Variants in ACSBG2 observed in about 807,000 individuals in gnomAD.
The protein encoded by ACSBG2 is long-chain-fatty-acid--CoA ligase ACSBG2.
A neutral mutation model predicts 74.7 loss-of-function variants in ACSBG2; 62 were observed. That is an observed-to-expected ratio of 0.83 (90% CI 0.68 to 1.03). The LOEUF (loss-of-function observed/expected upper bound fraction) is 1.03, where lower values mean the gene tolerates loss of function less well. Ranked by LOEUF, ACSBG2 falls within the 50% of genes least tolerant of loss-of-function variation. The pLI is 0.00. For synonymous variants in ACSBG2, 309 were observed against 294.1 expected (o/e 1.05, Z -0.52); for missense variants, 730 against 817.6 (o/e 0.89, Z 1.31).
chr19:6,189,360 G>A (rs1316897914), intron 13 of ACSBG2, among the ~76,000 whole-genome samples: 2 of 152,138 alleles, frequency 1.3e-5, no homozygotes, highest in Non-Finnish European at 2.9e-5. Flanking sequence ...TCCAGAGTGG[G>A]GATACTGGAT....
In ACSBG2 at chr19:6,184,881, A is replaced by G. The variant is rs1405300307; in HGVS notation, c.1323-555A>G. On this transcript the variant is annotated intron_variant, in intron 10 of 14. Coordinates refer to ENST00000588485, the MANE Select transcript of ACSBG2 (RefSeq NM_030924.5). ...AAAAAAAAAAAAAAAAACGAAAAACAGCCTGCAATGCTGCTGGATTTTCTT... is the reference window on the plus strand; with the variant it reads ...AAAAAAAAAAAAAAAAACGAAAAACGGCCTGCAATGCTGCTGGATTTTCTT... Among the ~76,000 whole-genome samples the G allele has an allele frequency of 8.0e-5, 11 of 137,600 alleles. No homozygotes were observed. The East Asian group carries it at 2.3e-3, about 29-fold the overall frequency. 90.3% of individuals were successfully genotyped at this position (137,600 alleles called of 152,430 possible).
At chr19:6,156,833 G>C (rs1218641912) in intron 5 of ACSBG2, among the ~76,000 whole-genome samples, 1 of 151,168 alleles carries the variant, frequency 6.6e-6, no homozygotes, top group Non-Finnish European at 1.5e-5. Flanking sequence ...CCCCAGGCTG[G>C]AGTGCAATGT....
At chr19:6,166,162 A>AG (rs1325290715) in intron 7 of ACSBG2, 147 bp downstream of exon 7, 5 of 985,794 alleles carry the variant, frequency 5.1e-6, no homozygotes, top group Non-Finnish European at 7.3e-6. Context: ...TTGCTTCACT[A>AG]GGGGGCAGCA....
chr19:6,182,486 GT>G (rs2090287804), intron 8 of ACSBG2, among the ~76,000 whole-genome samples: 1 of 152,162 alleles, frequency 6.6e-6, no homozygotes, highest in Admixed American at 6.5e-5. Flanking sequence ...AAGTTGACAG[GT>G]TGCACTTAAA....
intron 7 of ACSBG2, 126 bp from the exon 8 acceptor site, chr19:6,177,103 G>T: frequency 9.8e-7 from 1 of 1,015,632 alleles, no homozygotes; most frequent in South Asian, 1.8e-5. Flanking sequence ...TGAGGCTGCA[G>T]TGAGCTGTGA....
rs778234519 is a variant in ACSBG2, at chr19:6,147,499, T to C, written c.121T>C (p.Ser41Pro). ...AGATGGAGAAGTCCTTCTGAGGCTA[T>C]CCAAACACGGACCAGGCCATGAGAC... The part of the protein sequence containing the change: ...CRDGEVLLRL[S>P]KHGPGHETPM... Residue 41 changes from serine (S) to proline (P), a missense_variant, in exon 3 of 15, where the codon TCC becomes CCC. Physicochemically the swap from Ser to Pro is moderately conservative, Grantham distance 74. Coordinates refer to ENST00000588485, the MANE Select transcript of ACSBG2 (RefSeq NM_030924.5). 1.2e-6 allele frequency: 2 copies of C among 1,614,180 alleles called. No individual in the cohort carries two copies. The highest frequency in any genetic ancestry group is 1.7e-5 in the Admixed American group (1 of 60,012).
intron 8 of ACSBG2, among the ~76,000 whole-genome samples, chr19:6,177,777 G>A (rs1427810532): frequency 1.3e-5 from 2 of 150,204 alleles, no homozygotes; most frequent in Admixed American, 1.3e-4. Flanking sequence ...CATTCTCCTA[G>A]TTTTTATCTT....
chr19:6,189,527 G>GTT (rs111858148), intron 13 of ACSBG2, among the ~76,000 whole-genome samples: 14 of 148,084 alleles, frequency 9.5e-5, no homozygotes, highest in African/African-American at 3.2e-4. Context: ...ACTGAGTCTT[G>GTT]TTTTTTTTTT....
chr19:6,145,946 C>T (rs544785722), intron 2 of ACSBG2, among the ~76,000 whole-genome samples: 3 of 152,214 alleles, frequency 2.0e-5, no homozygotes, highest in Admixed American at 1.3e-4. Context: ...GGACAATGGA[C>T]GATGGGGAAT....
In ACSBG2 at chr19:6,190,582, A is replaced by G. The variant is rs1280323573; in HGVS notation, c.1928-2A>G. On this transcript the variant is annotated splice_acceptor_variant, in intron 13 of 14. Coordinates refer to ENST00000588485, the MANE Select transcript of ACSBG2 (RefSeq NM_030924.5). LOFTEE classifies it high-confidence loss of function. ...CTCAATTGATTTCTCCTTTCTCGAT[A>G]GGTCCAATGATGAAACTTAAGAGAC... 1 of 1,613,350 alleles carries G rather than the reference A, an allele frequency of 6.2e-7. No individual in the cohort carries two copies. The highest frequency in any genetic ancestry group is 1.1e-5 in the South Asian group (1 of 91,054).
At chr19:6,158,224 T>C (rs10421054) in intron 5 of ACSBG2, among the ~76,000 whole-genome samples, 9,129 of 151,714 alleles carry the variant, frequency 0.06, 846 homozygotes, top group African/African-American at 0.2. Flanking sequence ...TCCAGCTAAT[T>C]TTTTGTATTT....
intron 2 of ACSBG2, among the ~76,000 whole-genome samples, chr19:6,145,116 C>T (rs1488338448): frequency 8.5e-5 from 13 of 152,056 alleles, no homozygotes; most frequent in East Asian, 7.8e-4. Flanking sequence ...AGTAGCATCC[C>T]GGCCGGGCGC....
intron 2 of ACSBG2, among the ~76,000 whole-genome samples, chr19:6,144,555 T>G (rs904401193): frequency 6.6e-6 from 1 of 152,202 alleles, no homozygotes; most frequent in Non-Finnish European, 1.5e-5. Context: ...CACCTTGATC[T>G]CAGACTTGTG....
chr19:6,179,132 G>C (rs747199400), intron 8 of ACSBG2, among the ~76,000 whole-genome samples: 1 of 152,112 alleles, frequency 6.6e-6, no homozygotes. Context: ...TCTACAAGCT[G>C]CCATACAGGG....
At chr19:6,149,363 G>A (rs1295350590) in intron 3 of ACSBG2, among the ~76,000 whole-genome samples, 5 of 152,120 alleles carry the variant, frequency 3.3e-5, no homozygotes, top group Admixed American at 1.3e-4. Context: ...GATCCCGTAT[G>A]ACTAAAAGAG....
intron 4 of ACSBG2, among the ~76,000 whole-genome samples, chr19:6,154,394 G>A (rs561871478): frequency 4.4e-4 from 28 of 63,576 alleles, no homozygotes; most frequent in Admixed American, 1.5e-3. Flanking sequence ...GCAAAACTCC[G>A]TCTCAAAAAG....
chr19:6,184,857 A>AACAAACAAACAAAC (rs2090358121), intron 10 of ACSBG2, among the ~76,000 whole-genome samples: 6 of 143,650 alleles, frequency 4.2e-5, no homozygotes, highest in African/African-American at 1.5e-4. Context: ...AAAAAAAAAA[A>AACAAACAAACAAAC]AAAAAAAAAA....
chr19:6,157,903 A>C (rs1242739809), intron 5 of ACSBG2, among the ~76,000 whole-genome samples: 1 of 151,664 alleles, frequency 6.6e-6, no homozygotes, highest in Non-Finnish European at 1.5e-5. Flanking sequence ...TTCTTGCCTA[A>C]GTTCTATCCC....
In ACSBG2 at chr19:6,136,854, C is replaced by T. The variant is rs894672177; in HGVS notation, c.-32+945C>T. Among the ~76,000 whole-genome samples the T allele has an allele frequency of 3.3e-5, 5 of 152,172 alleles. 1 individual carries two copies. The highest frequency in any genetic ancestry group is 1.2e-4 in the African/African-American group (5 of 41,436). On this transcript the variant is annotated intron_variant, in intron 1 of 14. Coordinates refer to ENST00000588485, the MANE Select transcript of ACSBG2 (RefSeq NM_030924.5). ...AAGTGATCCACCTGCCACGGCCTCC[C>T]AAAGTGCTGGGATCACAGGTGTGAG...
Sources: gnomAD v4.1 joint callset for allele counts (sites outside exome capture counted in the v4.1 genomes callset) on GRCh38, gnomAD v4.1.1 for gene constraint, MANE v1.5 for transcripts, NCBI Gene and HGNC (gene_info 2026-07-23, HGNC 2026-07-21) for gene names.